The following ADAMTS12 variants were observed in gnomAD, a reference collection of about 807,000 sequenced individuals.
ADAMTS12 encodes the protein A disintegrin and metalloproteinase with thrombospondin motifs 12.
ADAMTS12 carries 118 observed loss-of-function variants against 167.8 expected under a neutral mutation model. The ratio of observed to expected loss-of-function variants is 0.70; its 90% CI spans 0.61 to 0.82. The LOEUF is 0.82. Ranked by LOEUF, ADAMTS12 falls within the 40% of genes least tolerant of loss-of-function variation. ADAMTS12 has a pLI of 0.00. For missense variants in ADAMTS12, 1,916 were observed against 1,998.8 expected, an observed-to-expected ratio of 0.96 and a Z score of 0.79; for synonymous variants, 704 against 716.9, an observed-to-expected ratio of 0.98 and a Z score of 0.29.
chr5:33,847,410 G>T (rs1748985399), intron 2 of ADAMTS12, among the ~76,000 whole-genome samples: 2 of 152,086 alleles, frequency 1.3e-5, no homozygotes, highest in African/African-American at 4.8e-5. Flanking sequence ...ATCACCTGAG[G>T]TCGGGAGTTG....
At chr5:33,638,738 A>G (rs1740306817) in intron 11 of ADAMTS12, among the ~76,000 whole-genome samples, 1 of 152,132 alleles carries the variant, frequency 6.6e-6, no homozygotes, top group African/African-American at 2.4e-5. Context: ...GTGGTGCCTC[A>G]CAGTACTTTG....
chr5:33,602,061 A>G (rs1209179810), intron 16 of ADAMTS12, among the ~76,000 whole-genome samples: 3 of 152,188 alleles, frequency 2.0e-5, no homozygotes, highest in Admixed American at 2.0e-4. Flanking sequence ...CACAGCTCTC[A>G]TGGGTTAACA....
At chr5:33,626,519 G>A (rs887377237) in intron 13 of ADAMTS12, among the ~76,000 whole-genome samples, 2 of 151,430 alleles carry the variant, frequency 1.3e-5, no homozygotes, top group South Asian at 2.1e-4. Context: ...TGGTAATGTG[G>A]TAATGGTGGT....
intron 3 of ADAMTS12, among the ~76,000 whole-genome samples, chr5:33,706,451 T>A (rs1357160936): frequency 6.6e-6 from 1 of 152,174 alleles, no homozygotes; most frequent in Non-Finnish European, 1.5e-5. Context: ...CATAACATAA[T>A]GCCCTTCTTC....
chr5:33,619,593 A>C (rs573355319), intron 14 of ADAMTS12, among the ~76,000 whole-genome samples: 36 of 152,190 alleles, frequency 2.4e-4, no homozygotes, highest in Non-Finnish European at 4.4e-5. Context: ...TACAGGTATT[A>C]AATTATCCAG....
At position 33,607,353 on chromosome 5, in the gene ADAMTS12, T is replaced by C. The variant is rs1291774650; in HGVS notation, c.2527+6885A>G. On this transcript the variant is annotated intron_variant, in intron 16 of 23. Coordinates refer to ENST00000504830, the MANE Select transcript of ADAMTS12 (RefSeq NM_030955.4). The stretch of plus-strand genomic sequence containing the variant: ...CAGACAAACAGAACTAATAATAGAG[T>C]TCAGCAAGGTTGCCGGATACAAAAT... 3.3e-5 allele frequency among the ~76,000 whole-genome samples: 5 copies of C among 151,376 alleles called. No homozygotes were observed. The South Asian group carries it at 8.4e-4, about 25-fold the overall frequency.
intron 2 of ADAMTS12, among the ~76,000 whole-genome samples, chr5:33,823,760 T>C (rs1579966371): frequency 6.6e-6 from 1 of 152,236 alleles, no homozygotes; most frequent in South Asian, 2.1e-4. Flanking sequence ...AAATAAAATA[T>C]GTTGTATGTC....
At chr5:33,665,734 A>G (rs1741441804) in intron 5 of ADAMTS12, among the ~76,000 whole-genome samples, 1 of 152,154 alleles carries the variant, frequency 6.6e-6, no homozygotes, top group Non-Finnish European at 1.5e-5. Context: ...CCAGCAAATG[A>G]GATACAGGGT....
intron 3 of ADAMTS12, among the ~76,000 whole-genome samples, chr5:33,700,402 T>C (rs1742956283): frequency 6.6e-6 from 1 of 152,156 alleles, no homozygotes; most frequent in Non-Finnish European, 1.5e-5. Context: ...CAGGAAATAA[T>C]TATGAGTGAA....
chr5:33,572,351 A>G (rs938766726), intron 19 of ADAMTS12, among the ~76,000 whole-genome samples: 1 of 152,108 alleles, frequency 6.6e-6, no homozygotes, highest in Non-Finnish European at 1.5e-5. Flanking sequence ...AATCCTCAAT[A>G]AAATACTGGC....
intron 2 of ADAMTS12, among the ~76,000 whole-genome samples, chr5:33,769,589 G>A (rs1036660645): frequency 1.3e-5 from 2 of 152,170 alleles, no homozygotes; most frequent in African/African-American, 4.8e-5. Context: ...CCCAAGAGTT[G>A]CCAAAATCAG....
At chr5:33,835,937 CTCTCTCTCTCTCTCTCTGTG>C (rs1413417129) in intron 2 of ADAMTS12, among the ~76,000 whole-genome samples, 16 of 99,760 alleles carry the variant, frequency 1.6e-4, no homozygotes, top group Admixed American at 4.9e-4. Context: ...CTCTCTCTCT[CTCTCTCTCTCTCTCTCTGTG>C]TGTGTGTGTG....
At chr5:33,672,209 C>CCACATA (rs1741732944) in intron 5 of ADAMTS12, among the ~76,000 whole-genome samples, 2 of 145,720 alleles carry the variant, frequency 1.4e-5, no homozygotes, top group Non-Finnish European at 3.0e-5. Flanking sequence ...ACACACACCC[C>CCACATA]CACATACATA....
chr5:33,799,201 C>T (rs1433685097), intron 2 of ADAMTS12, among the ~76,000 whole-genome samples: 1 of 152,212 alleles, frequency 6.6e-6, no homozygotes, highest in African/African-American at 2.4e-5. Context: ...AGTCAATGTC[C>T]TGTTCATTAA....
chr5:33,698,631 T>TTTCCCCAATAGGTCCAC (rs1298282361), intron 3 of ADAMTS12, among the ~76,000 whole-genome samples: 2 of 152,050 alleles, frequency 1.3e-5, no homozygotes, highest in African/African-American at 4.8e-5. Flanking sequence ...ACTAGCCCCA[T>TTTCCCCAATAGGTCCAC]TACATTTTAA....
At chr5:33,584,323 T>G (rs2111992515) in intron 18 of ADAMTS12, among the ~76,000 whole-genome samples, 1 of 152,340 alleles carries the variant, frequency 6.6e-6, no homozygotes, top group South Asian at 2.1e-4. Context: ...ATTTCTGATT[T>G]TGCAGGGTCC....
intron 2 of ADAMTS12, among the ~76,000 whole-genome samples, chr5:33,857,381 T>A (rs531648514): frequency 1.6e-4 from 24 of 152,050 alleles, no homozygotes; most frequent in African/African-American, 5.8e-4. Context: ...AAGTGTATAC[T>A]TGAAATTTGC....
intron 3 of ADAMTS12, among the ~76,000 whole-genome samples, chr5:33,734,648 A>C (rs1459749439): frequency 2.0e-5 from 3 of 152,238 alleles, no homozygotes; most frequent in Admixed American, 6.5e-5. Flanking sequence ...TCACGAATAA[A>C]GTATGAGTAC....
At chr5:33,544,201 A>ATTC (rs1363356925) in intron 22 of ADAMTS12, among the ~76,000 whole-genome samples, 1 of 152,216 alleles carries the variant, frequency 6.6e-6, no homozygotes, top group African/African-American at 2.4e-5. Context: ...AATCACAAGC[A>ATTC]TTCTTATACA....
Sources: gnomAD v4.1 joint callset for allele counts (sites outside exome capture counted in the v4.1 genomes callset) on GRCh38, gnomAD v4.1.1 for gene constraint, MANE v1.5 for transcripts, NCBI Gene and HGNC (gene_info 2026-07-23, HGNC 2026-07-21) for gene names.